The following SYT13 variants were observed in gnomAD, a reference collection of about 807,000 sequenced individuals.
The protein encoded by SYT13 is synaptotagmin-13.
Under a neutral mutation model 38.6 loss-of-function variants are expected in SYT13, and 21 were observed. The observed-to-expected ratio is 0.54, with a 90% CI of 0.39 to 0.78. The LOEUF (loss-of-function observed/expected upper bound fraction) is 0.78. Among genes scored for constraint, SYT13 ranks in the 30% least tolerant of loss-of-function variants. SYT13 has a pLI of 0.00. For missense variants in SYT13, 495 were observed against 548.7 expected, an observed-to-expected ratio of 0.90 and a Z score of 0.98; for synonymous variants, 241 against 237.6, an observed-to-expected ratio of 1.01 and a Z score of -0.13.
At position 45,252,758 on chromosome 11, in the gene SYT13, T is replaced by G. The variant is rs1854694859; in HGVS notation, c.545-36A>C. 8 of 1,523,286 alleles carry G rather than the reference T, an allele frequency of 5.3e-6. No individual in the cohort carries two copies. Among genetic ancestry groups the G allele is most frequent in the Non-Finnish European group, 7.1e-6 (8 of 1,130,034 alleles). 94.4% of individuals were successfully genotyped at this position (1,523,286 alleles called of 1,614,324 possible). A position where few individuals can be genotyped will look rare whatever the true frequency, so the allele number is the denominator to read the frequency against. On this transcript the variant is annotated intron_variant, in intron 3 of 5. Transcript: ENST00000020926. The surrounding 1 kb of genome is among the most constrained non-coding windows in gnomAD (Gnocchi z 4.3). ...GGAGAACAACACAGGCGTGGGACTT[T>G]CTGAGGACAAGTGGAGGGGGCAGAA...
chr11:45,255,598 C>T, intron 2 of SYT13, 68 bp downstream of exon 2: 1 of 1,482,528 alleles, frequency 6.7e-7, no homozygotes, highest in Non-Finnish European at 9.2e-7. Flanking sequence ...CACACAGCAT[C>T]TACAGAGACA....
At chr11:45,285,382 C>T (rs1855121678) in intron 1 of SYT13, among the ~76,000 whole-genome samples, 1 of 152,176 alleles carries the variant, frequency 6.6e-6, no homozygotes, top group African/African-American at 2.4e-5. Context: ...CCATACCAAC[C>T]CCCTCTGACT....
At chr11:45,273,719 G>A (rs1854977215) in intron 1 of SYT13, among the ~76,000 whole-genome samples, 1 of 152,226 alleles carries the variant, frequency 6.6e-6, no homozygotes, top group African/African-American at 2.4e-5. Flanking sequence ...AGGTATGCAA[G>A]ACATATTTAT....
In SYT13 at chr11:45,242,849, C is replaced by T. The variant is rs1854568487; in HGVS notation, c.*1203G>A. 6.6e-6 allele frequency: 1 copy of T among 152,154 alleles called. No individual in the cohort carries two copies. The highest frequency in any genetic ancestry group is 2.4e-5 in the African/African-American group (1 of 41,424). 9.4% of individuals were successfully genotyped at this position (152,154 alleles called of 1,614,324 possible). ...ATTTAGATTTAATTAACAATGTGGA[C>T]ATCTGTTTAGAATAACAAGGTAGGA... On this transcript the variant is annotated 3_prime_UTR_variant, in exon 6 of 6. Transcript: ENST00000020926.
chr11:45,286,239 G>A lies in SYT13; in HGVS notation c.-32C>T, dbSNP rs1439835476. ...CGCTCCCGGCGAGGGGCTGGGTCCC[G>A]CAGCCGCTCACCTTCCCCGGGCCGG... On this transcript the variant is annotated 5_prime_UTR_variant, in exon 1 of 6. Transcript: ENST00000020926. The A allele has an allele frequency of 6.0e-6, 9 of 1,504,754 alleles. No homozygotes were observed. The highest frequency in any genetic ancestry group is 2.3e-4 in the Middle Eastern group (1 of 4,268). The allele number at this position is 1,504,754 out of a possible 1,614,324, so 93.2% of individuals were successfully genotyped here. A position where few individuals can be genotyped will look rare whatever the true frequency, so the allele number is the denominator to read the frequency against.
Position 45,286,257 on chromosome 11 carries a change from C to A in SYT13, c.-50G>T, listed in dbSNP as rs1855135375. The stretch of plus-strand genomic sequence containing the variant: ...GGGTCCCGCAGCCGCTCACCTTCCC[C>A]GGGCCGGGCCCGCCTCCAGGCAGCT... On this transcript the variant is annotated 5_prime_UTR_variant, in exon 1 of 6. Coordinates refer to ENST00000020926, the MANE Select transcript of SYT13 (RefSeq NM_020826.3). The A allele has an allele frequency of 1.4e-6, 2 of 1,474,068 alleles. No homozygotes were observed. The highest frequency in any genetic ancestry group is 1.8e-6 in the Non-Finnish European group (2 of 1,115,904). The allele number at this position is 1,474,068 out of a possible 1,614,324, so 91.3% of individuals were successfully genotyped here.
intron 1 of SYT13, among the ~76,000 whole-genome samples, chr11:45,275,367 C>T (rs910968750): frequency 6.6e-6 from 1 of 152,006 alleles, no homozygotes; most frequent in Non-Finnish European, 1.5e-5. Flanking sequence ...CTCACAGGAC[C>T]CCTCTCTCCT....
intron 1 of SYT13, among the ~76,000 whole-genome samples, chr11:45,264,157 CCT>C (rs1056328164): frequency 3.8e-4 from 58 of 152,114 alleles, no homozygotes; most frequent in African/African-American, 1.4e-3. Context: ...TAAACTGGAT[CCT>C]CTCTCACAGA....
rs1854544416 is a variant in SYT13 at position 45,241,053 on chromosome 11, C to T, written c.*2999G>A. 6.6e-6 allele frequency: 1 copy of T among 152,198 alleles called. No individual in the cohort carries two copies. The highest frequency in any genetic ancestry group is 1.5e-5 in the Non-Finnish European group (1 of 68,040). The allele number at this position is 152,198 out of a possible 1,614,324, so 9.4% of individuals were successfully genotyped here. ...CTAAGATGGAGTTTTAGTGGAAAAGCAGAGCAATTATATTCTCTTCATCTG... is the reference window on the plus strand; with the variant it reads ...CTAAGATGGAGTTTTAGTGGAAAAGTAGAGCAATTATATTCTCTTCATCTG... On this transcript the variant is annotated 3_prime_UTR_variant, in exon 6 of 6. Coordinates refer to ENST00000020926, the MANE Select transcript of SYT13 (RefSeq NM_020826.3).
intron 1 of SYT13, among the ~76,000 whole-genome samples, chr11:45,257,322 G>C (rs1406523426): frequency 1.2e-4 from 18 of 152,084 alleles, no homozygotes. Flanking sequence ...GCCAGGTCTA[G>C]AGCTTAAACT....
chr11:45,262,702 G>T (rs531635746), intron 1 of SYT13, among the ~76,000 whole-genome samples: 8 of 144,050 alleles, frequency 5.6e-5, no homozygotes, highest in African/African-American at 1.8e-4. Flanking sequence ...CTCCAGCCTG[G>T]GCAAAGAGGG....
intron 4 of SYT13, among the ~76,000 whole-genome samples, chr11:45,251,447 A>G (rs1276925028): frequency 2.0e-5 from 3 of 150,324 alleles, no homozygotes; most frequent in East Asian, 3.9e-4. Flanking sequence ...TTGCTTTAGC[A>G]TGAGGGTTGT....
intron 1 of SYT13, among the ~76,000 whole-genome samples, chr11:45,267,253 A>G (rs1004523970): frequency 6.6e-6 from 1 of 152,114 alleles, no homozygotes; most frequent in African/African-American, 2.4e-5. Context: ...CCTTCCCGCC[A>G]CTTCAGCCAC....
chr11:45,251,386 T>TTAA (rs774285950), intron 4 of SYT13, among the ~76,000 whole-genome samples: 1 of 75,372 alleles, frequency 1.3e-5, no homozygotes, highest in Non-Finnish European at 2.4e-5. Context: ...AGACTCTGTC[T>TTAA]AAAAAAAAAA....
chr11:45,253,968 T>G (rs1449486517), intron 3 of SYT13: 2 of 232,146 alleles, frequency 8.6e-6, no homozygotes, highest in African/African-American at 4.5e-5. Flanking sequence ...ATCTGCCAGA[T>G]ACAGATGGCA....
intron 1 of SYT13, among the ~76,000 whole-genome samples, chr11:45,266,491 C>G (rs1318156819): frequency 1.5e-5 from 2 of 134,450 alleles, no homozygotes; most frequent in African/African-American, 2.9e-5. Context: ...AATCCTTCCA[C>G]TCCCTCTCAA....
At chr11:45,263,632 C>T (rs865831623) in intron 1 of SYT13, among the ~76,000 whole-genome samples, 3 of 152,214 alleles carry the variant, frequency 2.0e-5, no homozygotes, top group East Asian at 1.9e-4. Context: ...TATAGCTAAG[C>T]CCCCGCCAAG....
At chr11:45,283,371 C>G (rs2135913811) in intron 1 of SYT13, among the ~76,000 whole-genome samples, 1 of 152,310 alleles carries the variant, frequency 6.6e-6, no homozygotes, top group East Asian at 1.9e-4. Context: ...TATTTTCCAG[C>G]CTCCATACCT....
chr11:45,276,524 A>G (rs1855011817), intron 1 of SYT13, among the ~76,000 whole-genome samples: 2 of 152,128 alleles, frequency 1.3e-5, no homozygotes, highest in African/African-American at 4.8e-5. Context: ...TGGCACATGT[A>G]TATCTATGTA....
Sources: gnomAD v4.1 joint callset for allele counts (sites outside exome capture counted in the v4.1 genomes callset) on GRCh38, gnomAD v4.1.1 for gene constraint, Gnocchi (gnomAD v3.1) non-coding constraint, MANE v1.5 for transcripts, NCBI Gene and HGNC (gene_info 2026-07-23, HGNC 2026-07-21) for gene names.